The following GRM7 variants were observed in gnomAD, a reference collection of about 807,000 sequenced individuals.
The protein encoded by GRM7 is glutamate metabotropic receptor 7, also known as metabotropic glutamate receptor 7.
In GRM7, 35 loss-of-function variants were observed where a neutral mutation model predicts 84.5. The observed-to-expected ratio is 0.41, with a 90% confidence interval of 0.32 to 0.55. GRM7 has a LOEUF of 0.55. GRM7 is among the 20% of genes least tolerant of loss of function. GRM7 has a pLI of 0.19. For missense variants in GRM7, 1,003 were observed against 1,194.6 expected (o/e 0.84, Z 2.36); for synonymous variants, 487 against 455.1 (o/e 1.07, Z -0.89).
rs534808704 is a variant in GRM7, at chr3:7,247,277, C to CA, written c.737-51401dup. Among the ~76,000 whole-genome samples the CA allele has an allele frequency of 3.4e-4, 51 of 151,958 alleles. No homozygotes were observed. In the South Asian group the frequency reaches 0.01, roughly 30 times the overall value. ...GACACAAATAGCACACAGTACAAAA[C>CA]AAAAAATTGGTAGGCTAGACACCAT... On this transcript the variant is annotated intron_variant, in intron 2 of 9. Coordinates refer to ENST00000357716, the MANE Select transcript of GRM7 (RefSeq NM_000844.4).
rs531429152 is a variant in GRM7 at position 7,262,071 on chromosome 3, C to T, written c.737-36613C>T. Among the ~76,000 whole-genome samples the T allele has an allele frequency of 3.0e-4, 45 of 151,752 alleles. 1 individual carries two copies. The highest frequency in any genetic ancestry group is 9.2e-4 in the African/African-American group (38 of 41,374). ...CTGATGGGCTTCCCTTTGTAGATTA[C>T]CTGACCTTTCTCTCTTATTGCCTTT... On this transcript the variant is annotated intron_variant, in intron 2 of 9. Transcript: ENST00000357716.
At chr3:7,087,194 A>G (rs962065058) in intron 1 of GRM7, among the ~76,000 whole-genome samples, 14 of 152,154 alleles carry the variant, frequency 9.2e-5, no homozygotes, top group African/African-American at 2.4e-4. Flanking sequence ...ATATTTGGTT[A>G]TTATTCTTGG....
intron 1 of GRM7, among the ~76,000 whole-genome samples, chr3:7,046,844 C>T (rs569990577): frequency 2.6e-5 from 4 of 152,066 alleles, no homozygotes; most frequent in African/African-American, 4.8e-5. Context: ...TGCATTTTTG[C>T]CATGAACTAT....
intron 2 of GRM7, among the ~76,000 whole-genome samples, chr3:7,217,722 AT>A (rs1429388002): frequency 1.8e-4 from 27 of 149,242 alleles, no homozygotes; most frequent in African/African-American, 6.3e-4. Context: ...ATATTTACTA[AT>A]TATAATATAA....
At chr3:7,308,333 C>G (rs756371091) in intron 4 of GRM7, among the ~76,000 whole-genome samples, 1 of 148,534 alleles carries the variant, frequency 6.7e-6, no homozygotes, top group Non-Finnish European at 1.5e-5. Flanking sequence ...GAAACCCCTT[C>G]CATTCCTTCT....
intron 5 of GRM7, among the ~76,000 whole-genome samples, chr3:7,415,925 A>C (rs563243483): frequency 6.6e-6 from 1 of 152,268 alleles, no homozygotes; most frequent in Admixed American, 6.6e-5. Context: ...GCATATAACT[A>C]AGGAAGTTTA....
intron 1 of GRM7, among the ~76,000 whole-genome samples, chr3:7,075,495 G>GAT (rs1221093179): frequency 1.0e-5 from 1 of 96,930 alleles, no homozygotes; most frequent in Non-Finnish European, 2.1e-5. Flanking sequence ...TTGCTTCTCA[G>GAT]ATGTGTGTGT....
chr3:7,013,788 A>G (rs1695468050), intron 1 of GRM7, among the ~76,000 whole-genome samples: 1 of 152,044 alleles, frequency 6.6e-6, no homozygotes, highest in African/African-American at 2.4e-5. Flanking sequence ...AATCCTACTA[A>G]AAGCAATTGC....
At chr3:7,270,624 AAAGTGT>A (rs1698818891) in intron 2 of GRM7, among the ~76,000 whole-genome samples, 1 of 152,140 alleles carries the variant, frequency 6.6e-6, no homozygotes, top group Admixed American at 6.5e-5. Flanking sequence ...TCTCATCCTC[AAAGTGT>A]AGTTTGAAGA....
chr3:6,986,115 C>T (rs1199962059), intron 1 of GRM7, among the ~76,000 whole-genome samples: 1 of 152,036 alleles, frequency 6.6e-6, no homozygotes, highest in African/African-American at 2.4e-5. Flanking sequence ...ATCTGCTGTA[C>T]AATATAGTAG....
chr3:6,943,031 G>GT lies in GRM7; in HGVS notation c.519+81126dup, dbSNP rs1280023102. ...TCTTTATGCTTTTGATAAAGTGTCT[G>GT]TTCAAATCTTTGTCCACTTTTTGGT... On this transcript the variant is annotated intron_variant, in intron 1 of 9. Coordinates refer to ENST00000357716, the MANE Select transcript of GRM7 (RefSeq NM_000844.4). Among the ~76,000 whole-genome samples, 7 of 151,950 alleles carry GT rather than the reference G, an allele frequency of 4.6e-5. No individual in the cohort carries two copies. In the East Asian group the frequency reaches 1.2e-3, roughly 25 times the overall value.
At chr3:7,562,923 C>G (rs1341218870) in intron 7 of GRM7, among the ~76,000 whole-genome samples, 4 of 151,206 alleles carry the variant, frequency 2.6e-5, no homozygotes, top group Non-Finnish European at 4.4e-5. Context: ...AGATAACTAT[C>G]CTAAATAACC....
intron 8 of GRM7, among the ~76,000 whole-genome samples, chr3:7,648,042 A>G (rs1698735159): frequency 6.6e-6 from 1 of 152,126 alleles, no homozygotes; most frequent in Admixed American, 6.6e-5. Context: ...GCATTTTACA[A>G]CAATGCCCCC....
intron 5 of GRM7, among the ~76,000 whole-genome samples, chr3:7,420,172 A>C (rs1339476478): frequency 6.6e-6 from 1 of 152,190 alleles, no homozygotes; most frequent in African/African-American, 2.4e-5. Flanking sequence ...ACCCAGGCTC[A>C]TTAGAGCCTA....
chr3:7,188,882 A>G lies in GRM7; in HGVS notation c.736+42214A>G, dbSNP rs1695612159. 6.6e-6 allele frequency among the ~76,000 whole-genome samples: 1 copy of G among 152,216 alleles called. No individual in the cohort carries two copies. Among genetic ancestry groups the G allele is most frequent in the African/African-American group, 2.4e-5 (1 of 41,454 alleles). On this transcript the variant is annotated intron_variant, in intron 2 of 9. Transcript: ENST00000357716. This position sits in a 1 kb window ranked among gnomAD's most constrained non-coding sequence, Gnocchi z 4.2. The stretch of plus-strand genomic sequence containing the variant: ...AAGACACACCTGCTTCTTAACACCT[A>G]CGGTTTTAAAGAAATGCACAAATAT...
Position 6,929,459 on chromosome 3 carries a change from C to T in GRM7, c.519+67552C>T, listed in dbSNP as rs1384834136. Among the ~76,000 whole-genome samples the T allele has an allele frequency of 5.3e-5, 8 of 152,198 alleles. No homozygotes were observed. The South Asian group carries it at 1.7e-3, about 32-fold the overall frequency. ...AAATTGAATAGTTATAAGGTGGTAC[C>T]GTGTTCATGAAGATGATACAGTAGC... On this transcript the variant is annotated intron_variant, in intron 1 of 9. Coordinates refer to ENST00000357716, the MANE Select transcript of GRM7 (RefSeq NM_000844.4).
intron 7 of GRM7, among the ~76,000 whole-genome samples, chr3:7,575,103 A>G (rs1392489156): frequency 1.3e-5 from 2 of 152,184 alleles, no homozygotes; most frequent in Admixed American, 6.5e-5. Flanking sequence ...CCATTTATCT[A>G]TGCAGTCTAT....
chr3:7,696,668 T>G (rs960131662), intron 9 of GRM7, among the ~76,000 whole-genome samples: 16 of 152,298 alleles, frequency 1.1e-4, no homozygotes, highest in African/African-American at 3.8e-4. Context: ...TTCTAAAAAG[T>G]CAAATTGACG....
chr3:7,632,955 A>G (rs566117176), intron 8 of GRM7, among the ~76,000 whole-genome samples: 2 of 152,390 alleles, frequency 1.3e-5, no homozygotes, highest in East Asian at 1.9e-4. Flanking sequence ...TTAAAGAACC[A>G]TAAAAGAAAA....
Sources: allele counts gnomAD v4.1 joint callset (sites outside exome capture counted in the v4.1 genomes callset), GRCh38; gene constraint gnomAD v4.1.1; non-coding constraint Gnocchi (gnomAD v3.1); transcripts MANE v1.5; gene names NCBI Gene and HGNC (gene_info 2026-07-23, HGNC 2026-07-21).